Variants in RAB28 observed in about 807,000 individuals in gnomAD.
RAB28 encodes the protein ras-related protein Rab-28.
In RAB28, 24 loss-of-function variants were observed where a neutral mutation model predicts 31.7. That is an observed-to-expected ratio of 0.76 (90% confidence interval 0.55 to 1.06). RAB28 has a LOEUF of 1.06. Ranked by LOEUF, RAB28 falls within the 50% of genes least tolerant of loss-of-function variation. The pLI is 0.00. For synonymous variants in RAB28, 100 were observed against 90.4 expected, an observed-to-expected ratio of 1.11 and a Z score of -0.60; for missense variants, 254 against 258.5, an observed-to-expected ratio of 0.98 and a Z score of 0.12.
At chr4:13,398,501 G>A (rs1052182086) in intron 4 of RAB28, among the ~76,000 whole-genome samples, 3 of 152,158 alleles carry the variant, frequency 2.0e-5, no homozygotes, top group African/African-American at 7.2e-5. Context: ...ACTGTCGGCC[G>A]GGCGCGGTGG....
At chr4:13,459,669 G>GTTT (rs1208875976) in intron 4 of RAB28, 3 of 776,980 alleles carry the variant, frequency 3.9e-6, no homozygotes, top group African/African-American at 1.9e-5. Flanking sequence ...CTTCTCCCTA[G>GTTT]TACACTCTTT....
At chr4:13,410,123 G>A (rs1712345998) in intron 4 of RAB28, among the ~76,000 whole-genome samples, 1 of 152,094 alleles carries the variant, frequency 6.6e-6, no homozygotes, top group African/African-American at 2.4e-5. Flanking sequence ...AGTTCCCTGA[G>A]ACCTCCCCAG....
chr4:13,399,760 T>C (rs1711639018), intron 4 of RAB28, among the ~76,000 whole-genome samples: 1 of 152,196 alleles, frequency 6.6e-6, no homozygotes, highest in Non-Finnish European at 1.5e-5. Context: ...ACGAACGGCC[T>C]TTTTCTTGTA....
At chr4:13,482,361 G>T (rs1470023438) in intron 1 of RAB28, among the ~76,000 whole-genome samples, 1 of 152,000 alleles carries the variant, frequency 6.6e-6, no homozygotes, top group Non-Finnish European at 1.5e-5. Flanking sequence ...TTAGAAAAAT[G>T]AACAACAGTT....
chr4:13,458,072 G>A (rs1195406857), intron 4 of RAB28, among the ~76,000 whole-genome samples: 2 of 151,920 alleles, frequency 1.3e-5, no homozygotes, highest in African/African-American at 2.4e-5. Context: ...TTGTCAAAGG[G>A]GGATTTTCAA....
intron 4 of RAB28, among the ~76,000 whole-genome samples, chr4:13,451,182 T>C (rs1714949180): frequency 6.6e-6 from 1 of 151,872 alleles, no homozygotes; most frequent in African/African-American, 2.4e-5. Flanking sequence ...CACATTCTCA[T>C]CAGCATTTGT....
rs1560141468 is a variant in RAB28, at chr4:13,460,822, G to A, written c.268C>T (p.Leu90Phe). Reference sequence around the variant, plus strand: ...TAATTTGTAATATCATATACCAAGAGGACTCCCTGTCACAAAAGAGTTACA... The same window carrying A: ...TAATTTGTAATATCATATACCAAGAAGACTCCCTGTCACAAAAGAGTTACA... Reference protein sequence around the residue: ...DKYIYGAQGVLLVYDITNYQS... With the variant: ...DKYIYGAQGVFLVYDITNYQS... The change falls in exon 4 of 7, where the codon CTC becomes TTC. Residue 90 changes from leucine to phenylalanine, a missense_variant. Coordinates refer to ENST00000330852, the MANE Select transcript of RAB28 (RefSeq NM_001017979.3). 6.8e-6 allele frequency: 11 copies of A among 1,610,404 alleles called. No individual in the cohort carries two copies. The highest frequency in any genetic ancestry group is 6.6e-5 in the South Asian group (6 of 90,626).
intron 5 of RAB28, among the ~76,000 whole-genome samples, chr4:13,377,981 T>C (rs1005330972): frequency 5.9e-5 from 9 of 152,010 alleles, no homozygotes; most frequent in Admixed American, 2.0e-4. Flanking sequence ...GAGGAGGGAA[T>C]AGCAAGAGCT....
chr4:13,386,736 C>A (rs1729384780), intron 4 of RAB28, among the ~76,000 whole-genome samples: 2 of 152,140 alleles, frequency 1.3e-5, no homozygotes, highest in Non-Finnish European at 2.9e-5. Flanking sequence ...CACAGCAACC[C>A]CATTACTGGG....
At chr4:13,391,723 C>A (rs1729637660) in intron 4 of RAB28, among the ~76,000 whole-genome samples, 1 of 152,032 alleles carries the variant, frequency 6.6e-6, no homozygotes, top group African/African-American at 2.4e-5. Context: ...CAGTATGCAG[C>A]CATAAAAAAG....
At chr4:13,428,087 G>A (rs925426761) in intron 4 of RAB28, among the ~76,000 whole-genome samples, 3 of 152,172 alleles carry the variant, frequency 2.0e-5, no homozygotes, top group Non-Finnish European at 4.4e-5. Context: ...AACAGAACAG[G>A]GGTTTTCACA....
At chr4:13,369,551 G>GA (rs1341085599) in intron 6 of RAB28, among the ~76,000 whole-genome samples, 2 of 151,978 alleles carry the variant, frequency 1.3e-5, no homozygotes, top group Non-Finnish European at 2.9e-5. Context: ...GCTATTTCAG[G>GA]AAAAATGGTA....
intron 4 of RAB28, among the ~76,000 whole-genome samples, chr4:13,454,467 T>G (rs1475652359): frequency 6.6e-6 from 1 of 152,158 alleles, no homozygotes; most frequent in Non-Finnish European, 1.5e-5. Flanking sequence ...CTCTTCTAAT[T>G]TTATGGAGTA....
At chr4:13,481,549 A>ATTTT (rs1251332749) in intron 1 of RAB28, among the ~76,000 whole-genome samples, 2 of 152,018 alleles carry the variant, frequency 1.3e-5, no homozygotes, top group African/African-American at 4.8e-5. Flanking sequence ...TTCTACTAAC[A>ATTTT]TTTTTGACTT....
chr4:13,433,324 T>C (rs1713918823), intron 4 of RAB28, among the ~76,000 whole-genome samples: 1 of 151,590 alleles, frequency 6.6e-6, no homozygotes, highest in Non-Finnish European at 1.5e-5. Flanking sequence ...CTAATTAAAC[T>C]AACAAGCTTT....
At chr4:13,393,734 C>A (rs1384661567) in intron 4 of RAB28, among the ~76,000 whole-genome samples, 1 of 150,810 alleles carries the variant, frequency 6.6e-6, no homozygotes, top group Non-Finnish European at 1.5e-5. Context: ...TAGAAGATGG[C>A]AAGTTTTATA....
intron 3 of RAB28, among the ~76,000 whole-genome samples, chr4:13,462,319 C>A (rs561132860): frequency 6.6e-6 from 1 of 152,156 alleles, no homozygotes; most frequent in South Asian, 2.1e-4. Context: ...GGGAGGTCAC[C>A]ATTATAAAAC....
chr4:13,412,765 T>C (rs1466468262), intron 4 of RAB28, among the ~76,000 whole-genome samples: 1 of 152,058 alleles, frequency 6.6e-6, no homozygotes, highest in East Asian at 1.9e-4. Flanking sequence ...TGTGACTAAA[T>C]ATTACCATAT....
intron 3 of RAB28, among the ~76,000 whole-genome samples, chr4:13,468,624 A>T (rs1373754885): frequency 6.6e-6 from 1 of 151,922 alleles, no homozygotes; most frequent in Non-Finnish European, 1.5e-5. Context: ...GAAAAGCAAA[A>T]AAATCAATAA....
Sources: gnomAD v4.1 joint callset for allele counts (sites outside exome capture counted in the v4.1 genomes callset) on GRCh38, gnomAD v4.1.1 for gene constraint, MANE v1.5 for transcripts, NCBI Gene and HGNC (gene_info 2026-07-23, HGNC 2026-07-21) for gene names.